VPS8: variants seen among roughly 807,000 people sequenced by gnomAD.
The protein encoded by VPS8 is vacuolar protein sorting-associated protein 8 homolog.
VPS8 carries 129 observed loss-of-function variants against 216.4 expected under a neutral mutation model. That is an observed-to-expected ratio of 0.60 (90% confidence interval 0.52 to 0.69). The LOEUF (loss-of-function observed/expected upper bound fraction) is 0.69, where lower values mean the gene tolerates loss of function less well. Among genes scored for constraint, VPS8 ranks in the 30% least tolerant of loss-of-function variants. The pLI, the probability that VPS8 is intolerant of heterozygous loss-of-function variation, is 0.00. For missense variants in VPS8, 1,531 were observed against 1,683.5 expected (o/e 0.91, Z 1.59); for synonymous variants, 571 against 565.4 (o/e 1.01, Z -0.14).
intron 21 of VPS8, among the ~76,000 whole-genome samples, chr3:184,873,300 G>A (rs1270634919): frequency 6.6e-6 from 1 of 152,028 alleles, no homozygotes; most frequent in African/African-American, 2.4e-5. Context: ...GCTAATCATT[G>A]TATTATACTG....
intron 36 of VPS8, among the ~76,000 whole-genome samples, chr3:184,949,079 G>T (rs1355943723): frequency 1.3e-5 from 2 of 152,138 alleles, no homozygotes; most frequent in African/African-American, 2.4e-5. Flanking sequence ...GCTGAGATGG[G>T]TAGATTGCTT....
chr3:184,853,426 A>C (rs1208538918), intron 11 of VPS8, among the ~76,000 whole-genome samples: 1 of 152,238 alleles, frequency 6.6e-6, no homozygotes, highest in African/African-American at 2.4e-5. Context: ...ATGGTGAGCC[A>C]GTCAACAAAT....
At chr3:184,885,941 A>T (rs573960744) in intron 21 of VPS8, 169 bp from the exon 22 acceptor site, 4 of 594,488 alleles carry the variant, frequency 6.7e-6, no homozygotes, top group Non-Finnish European at 1.2e-5. Context: ...CTAGGTCAAA[A>T]TGTTCTGTTT....
chr3:184,902,919 C>G (rs921126942), intron 25 of VPS8, among the ~76,000 whole-genome samples: 3 of 151,566 alleles, frequency 2.0e-5, no homozygotes, highest in Admixed American at 6.6e-5. Context: ...AGCTTTAACT[C>G]TTGCATTTAG....
chr3:184,913,411 T>C, intron 25 of VPS8, 108 bp from the exon 26 acceptor site: 1 of 917,760 alleles, frequency 1.1e-6, no homozygotes, highest in African/African-American at 1.7e-5. Flanking sequence ...GGAATATACT[T>C]ACCTCACCTT....
chr3:185,008,868 C>T (rs1002726589), intron 45 of VPS8, among the ~76,000 whole-genome samples: 2 of 152,050 alleles, frequency 1.3e-5, no homozygotes, highest in Non-Finnish European at 2.9e-5. Context: ...AGCATTATAT[C>T]AAATATATAG....
intron 35 of VPS8, among the ~76,000 whole-genome samples, chr3:184,939,996 A>G (rs1311663243): frequency 6.6e-6 from 1 of 152,152 alleles, no homozygotes; most frequent in African/African-American, 2.4e-5. Context: ...TGAGAAGTGA[A>G]TGTGCGACAG....
chr3:184,889,624 C>G (rs531760632), intron 22 of VPS8, among the ~76,000 whole-genome samples: 82 of 152,142 alleles, frequency 5.4e-4, no homozygotes, highest in Non-Finnish European at 9.0e-4. Flanking sequence ...TTCTTTCCCT[C>G]CTTGTCTCTT....
In VPS8 at chr3:184,830,785, G is replaced by A. The variant is rs112096388; in HGVS notation, c.223-1904G>A. Among the ~76,000 whole-genome samples, 13 of 152,064 alleles carry A rather than the reference G, an allele frequency of 8.5e-5. No homozygotes were observed. The South Asian group carries it at 1.7e-3, about 19-fold the overall frequency. ...TTCCTTCCCTTTTCCTACAGCAATC[G>A]TTCCAATCTTTATAGCACTTAAGCA... On this transcript the variant is annotated intron_variant, in intron 3 of 47. Transcript: ENST00000625842.
At chr3:184,891,934 A>G (rs1732426080) in intron 22 of VPS8, among the ~76,000 whole-genome samples, 2 of 152,346 alleles carry the variant, frequency 1.3e-5, no homozygotes, top group East Asian at 1.9e-4. Flanking sequence ...GAAATCGATA[A>G]TGTACAAAGT....
intron 6 of VPS8, chr3:184,839,065 G>A: frequency 3.7e-6 from 1 of 273,190 alleles, no homozygotes; most frequent in Non-Finnish European, 6.8e-6. Context: ...CACAAGGAAT[G>A]GAAAGCATCA....
chr3:184,876,487 G>A (rs1729306862), intron 21 of VPS8, among the ~76,000 whole-genome samples: 1 of 152,026 alleles, frequency 6.6e-6, no homozygotes, highest in African/African-American at 2.4e-5. Context: ...TCTTCCCTAG[G>A]TGATATAGGC....
In VPS8 at chr3:184,962,027, T is replaced by C. The variant is rs569780024; in HGVS notation, c.3184-2441T>C. 7.2e-5 allele frequency among the ~76,000 whole-genome samples: 11 copies of C among 152,354 alleles called. 1 individual carries two copies. In the East Asian group the frequency reaches 7.7e-4, roughly 11 times the overall value. ...TCCGCCCACCTTGGCCTCCCAAAGT[T>C]CTGGGATTACTGGCGTGAGCCAGTG... On this transcript the variant is annotated intron_variant, in intron 37 of 47. Transcript: ENST00000625842.
intron 45 of VPS8, 85 bp from the exon 46 acceptor site, chr3:185,024,251 T>A: frequency 8.2e-7 from 1 of 1,212,454 alleles, no homozygotes; most frequent in Non-Finnish European, 1.2e-6. Context: ...GTTATACCAA[T>A]TCTAGTTGAA....
chr3:184,891,835 G>A (rs535156146), intron 22 of VPS8, among the ~76,000 whole-genome samples: 1 of 152,140 alleles, frequency 6.6e-6, no homozygotes, highest in African/African-American at 2.4e-5. Flanking sequence ...ATTGGCAAGG[G>A]TTAGGATTGA....
At chr3:185,046,051 C>T (rs992804328) in intron 46 of VPS8, among the ~76,000 whole-genome samples, 1 of 152,208 alleles carries the variant, frequency 6.6e-6, no homozygotes, top group Non-Finnish European at 1.5e-5. Context: ...ATTTTTAGCT[C>T]TTAACACTGG....
intron 22 of VPS8, among the ~76,000 whole-genome samples, chr3:184,892,672 A>G (rs1009674728): frequency 6.6e-6 from 1 of 152,124 alleles, no homozygotes; most frequent in Non-Finnish European, 1.5e-5. Flanking sequence ...TTGCTTCTTT[A>G]TATTATAGCT....
chr3:184,962,128 G>A (rs1157620621), intron 37 of VPS8, among the ~76,000 whole-genome samples: 1 of 152,050 alleles, frequency 6.6e-6, no homozygotes, highest in Non-Finnish European at 1.5e-5. Context: ...ATGATCTTAC[G>A]GTAATCTATC....
intron 17 of VPS8, among the ~76,000 whole-genome samples, chr3:184,867,315 G>A (rs1288876812): frequency 6.6e-6 from 1 of 152,276 alleles, no homozygotes; most frequent in East Asian, 1.9e-4. Context: ...TGATTAAAAT[G>A]TATTGAGGTA....
Sources: allele counts gnomAD v4.1 joint callset (sites outside exome capture counted in the v4.1 genomes callset), GRCh38; gene constraint gnomAD v4.1.1; transcripts MANE v1.5; gene names NCBI Gene and HGNC (gene_info 2026-07-23, HGNC 2026-07-21).